Variants in MYOM3 observed in about 807,000 individuals in gnomAD.
MYOM3 encodes myomesin-3.
MYOM3 carries 155 observed loss-of-function variants against 191.7 expected under a neutral mutation model. The observed-to-expected ratio is 0.81, with a 90% confidence interval of 0.71 to 0.92. MYOM3 has a LOEUF of 0.92. Among genes scored for constraint, MYOM3 ranks in the 40% least tolerant of loss-of-function variants. The probability of loss-of-function intolerance (pLI) is 0.00; values close to 1 mark genes in which losing one functional copy is unlikely to be tolerated. For missense variants in MYOM3, 1,889 were observed against 1,890.6 expected (o/e 1.00, Z 0.02); for synonymous variants, 757 against 762.9 (o/e 0.99, Z 0.13).
At position 24,097,933 on chromosome 1, in the gene MYOM3, G is replaced by A. The variant is rs1643887087; in HGVS notation, c.735C>T (p.Val245=). ...AHGQASSFAK[V]LVRTYLGKDA... ...GTTGGGAGGACTTACTGCGGACGAG[G>A]ACTTTGGCGAAGGAGGAGGCCTGGC... The change falls in exon 7 of 37, where the codon GTC becomes GTT. Residue 245 remains valine (V), a synonymous_variant. Transcript: ENST00000374434. 4 of 1,612,790 alleles carry A rather than the reference G, an allele frequency of 2.5e-6. No homozygotes were observed. The highest frequency in any genetic ancestry group is 3.3e-4 in the Middle Eastern group (2 of 6,082).
chr1:24,075,291 C>G (rs768458054), intron 22 of MYOM3, 28 bp downstream of exon 22: 1 of 1,610,126 alleles, frequency 6.2e-7, no homozygotes, highest in African/African-American at 1.3e-5. Flanking sequence ...TCCCGTTGAG[C>G]AGTTGTTTCT....
chr1:24,094,745 G>T, intron 9 of MYOM3, 108 bp downstream of exon 9: 2 of 1,100,738 alleles, frequency 1.8e-6, no homozygotes, highest in Non-Finnish European at 2.6e-6. Context: ...TAGCACAGTT[G>T]GTACTGGTTG....
intron 20 of MYOM3, among the ~76,000 whole-genome samples, chr1:24,077,263 G>A (rs1413341286): frequency 6.6e-6 from 1 of 152,204 alleles, no homozygotes; most frequent in East Asian, 1.9e-4. Flanking sequence ...CCCCCAGTCT[G>A]TCTTTCCCTC....
intron 33 of MYOM3, 77 bp from the exon 34 acceptor site, chr1:24,061,386 G>T: frequency 1.4e-6 from 2 of 1,450,458 alleles, no homozygotes; most frequent in Non-Finnish European, 1.9e-6. Flanking sequence ...GACCCTGGGA[G>T]CAAAGCTTAT....
In MYOM3 at chr1:24,108,007, G is replaced by A. The variant is rs1261415538; in HGVS notation, c.228C>T (p.Ser76=). ...CTCTGACTCACCAAGACAGCTCGGAGGAGGCCGTCAGAGCCAGGGCTGCTG... is the reference window on the plus strand; with the variant it reads ...CTCTGACTCACCAAGACAGCTCGGAAGAGGCCGTCAGAGCCAGGGCTGCTG... ...ALAAALALTA[S]SELSWEAQLR... is the part of the protein sequence containing the mutation. Residue 76 remains serine (S), a synonymous_variant, in exon 3 of 37, where the codon TCC becomes TCT. Coordinates refer to ENST00000374434, the MANE Select transcript of MYOM3 (RefSeq NM_152372.4). 2 of 1,613,582 alleles carry A rather than the reference G, an allele frequency of 1.2e-6. No individual in the cohort carries two copies. Among genetic ancestry groups the A allele is most frequent in the Non-Finnish European group, 1.7e-6 (2 of 1,179,840 alleles).
rs199624212 is a variant in MYOM3 at position 24,082,107 on chromosome 1, C to T, written c.2174G>A (p.Arg725His). ...EMVIGWKPPK[R>H]RGGGKILGYF... is the part of the protein sequence containing the mutation. ...GCCCAGGATCTTGCCACCTCCACGA[C>T]GCTTGGGGGGTTTCCACCCAATGAC... The change falls in exon 18 of 37, where the codon CGT (arginine) becomes CAT (histidine). Residue 725 changes from arginine to histidine, a missense_variant. Coordinates refer to ENST00000374434, the MANE Select transcript of MYOM3 (RefSeq NM_152372.4). 136 of 1,613,726 alleles carry T rather than the reference C, an allele frequency of 8.4e-5. No individual in the cohort carries two copies. The African/African-American group carries it at 9.2e-4, about 11-fold the overall frequency.
chr1:24,097,104 G>C (rs897387464), intron 7 of MYOM3, among the ~76,000 whole-genome samples: 3 of 152,214 alleles, frequency 2.0e-5, no homozygotes, highest in Non-Finnish European at 4.4e-5. Flanking sequence ...CCCATGGGGT[G>C]ACCTCCAGGA....
In MYOM3 at chr1:24,071,970, T is replaced by C. The variant is rs777869686; in HGVS notation, c.3012A>G (p.Pro1004=). The change falls in exon 24 of 37, where the codon CCA becomes CCG. Residue 1004 remains proline (P), a splice_region_variant and synonymous_variant. Coordinates refer to ENST00000374434, the MANE Select transcript of MYOM3 (RefSeq NM_152372.4). The part of the protein sequence containing the change: ...LKKLSHEIRN[P]VIKLISGWNI... The stretch of plus-strand genomic sequence containing the variant: ...TGGTAGCTTGGACTGCTTGCTTACC[T>C]GGGTTTCTGATCTCATGACTCAGCT... The C allele has an allele frequency of 5.0e-6, 8 of 1,613,980 alleles. No homozygotes were observed. Among genetic ancestry groups the C allele is most frequent in the Non-Finnish European group, 6.8e-6 (8 of 1,179,970 alleles).
chr1:24,086,562 G>C (rs902200199), intron 15 of MYOM3, 82 bp downstream of exon 15: 2 of 1,387,614 alleles, frequency 1.4e-6, no homozygotes, highest in Non-Finnish European at 2.0e-6. Context: ...CAGGGAAGTG[G>C]GCAGGGCTTT....
intron 10 of MYOM3, 44 bp downstream of exon 10, chr1:24,092,903 T>C (rs373363301): frequency 6.9e-7 from 1 of 1,450,804 alleles, no homozygotes. Context: ...AGAGCCCTGG[T>C]CTCTGGGCTC....
intron 6 of MYOM3, among the ~76,000 whole-genome samples, chr1:24,098,981 A>G (rs540072334): frequency 8.2e-4 from 125 of 152,270 alleles, no homozygotes; most frequent in African/African-American, 2.9e-3. Flanking sequence ...TGCTTCCCTC[A>G]AGCATGGTGG....
chr1:24,095,613 G>T, intron 7 of MYOM3, 127 bp from the exon 8 acceptor site: 1 of 738,058 alleles, frequency 1.4e-6, no homozygotes, highest in Non-Finnish European at 2.2e-6. Context: ...TTGTGGCTTT[G>T]GGAAAGTTCT....
Position 24,068,274 on chromosome 1 carries a change from G to A in MYOM3, c.3244C>T (p.Leu1082Phe), listed in dbSNP as rs1643478622. The change falls in exon 26 of 37, where the codon CTC becomes TTC. Residue 1082 changes from leucine (L) to phenylalanine (F), a missense_variant. Coordinates refer to ENST00000374434, the MANE Select transcript of MYOM3 (RefSeq NM_152372.4). ...EEDKGSYTAQ[L>F]QDGKAKNQIT... is the part of the protein sequence containing the mutation. The stretch of plus-strand genomic sequence containing the variant: ...TGGTTTTTGGCTTTTCCATCTTGGA[G>A]TTGAGCGGTGTACGACCCTTTGTCC... 6.2e-7 allele frequency: 1 copy of A among 1,614,082 alleles called. No homozygotes were observed. The highest frequency in any genetic ancestry group is 1.3e-5 in the African/African-American group (1 of 74,924).
At chr1:24,064,248 G>C in intron 29 of MYOM3, 89 bp from the exon 30 acceptor site, 12 of 932,704 alleles carry the variant, frequency 1.3e-5, no homozygotes, top group Non-Finnish European at 1.8e-5. Flanking sequence ...CTCCAGGCCT[G>C]CCCCTCACTC....
intron 7 of MYOM3, 90 bp from the exon 8 acceptor site, chr1:24,095,576 GA>G: frequency 8.5e-7 from 1 of 1,172,744 alleles, no homozygotes; most frequent in Non-Finnish European, 1.2e-6. Context: ...ATATGAGTTT[GA>G]GTCCTGGTCT....
intron 17 of MYOM3, 167 bp from the exon 18 acceptor site, chr1:24,082,355 G>T: frequency 2.3e-6 from 2 of 862,672 alleles, no homozygotes; most frequent in Non-Finnish European, 3.5e-6. Context: ...CGGAGCCTCA[G>T]GTTTCTGGGT....
intron 7 of MYOM3, among the ~76,000 whole-genome samples, chr1:24,096,710 G>A (rs936503276): frequency 1.3e-5 from 2 of 152,074 alleles, no homozygotes; most frequent in African/African-American, 4.8e-5. Context: ...GTGTGTATGA[G>A]TGCGCGTGTG....
chr1:24,057,444 T>G lies in MYOM3; in HGVS notation c.4234A>C (p.Lys1412Gln), dbSNP rs372578345. The change falls in exon 37 of 37, where the codon AAG (lysine) becomes CAG (glutamine). Residue 1412 changes from lysine to glutamine, a missense_variant. By Grantham distance (53) the Lys-to-Gln change is moderately conservative (BLOSUM62 1). Coordinates refer to ENST00000374434, the MANE Select transcript of MYOM3 (RefSeq NM_152372.4). ...SGRYGVFVKNKYGSETGQVTI... is the reference protein window; with the variant it reads ...SGRYGVFVKNQYGSETGQVTI... ...ACCTGGCCCGTCTCGGAGCCATACTTGTTCTTGACGAAGACGCCGTAGCGG... is the reference window on the plus strand; with the variant it reads ...ACCTGGCCCGTCTCGGAGCCATACTGGTTCTTGACGAAGACGCCGTAGCGG... The G allele has an allele frequency of 3.1e-6, 5 of 1,614,232 alleles. No individual in the cohort carries two copies. The highest frequency in any genetic ancestry group is 4.2e-6 in the Non-Finnish European group (5 of 1,180,046).
At chr1:24,068,849 G>A (rs756916590) in intron 25 of MYOM3, among the ~76,000 whole-genome samples, 5 of 152,026 alleles carry the variant, frequency 3.3e-5, no homozygotes, top group Admixed American at 2.6e-4. Flanking sequence ...TCAGTCTCCT[G>A]AGTAGCTGGG....
Sources: gnomAD v4.1 joint callset for allele counts (sites outside exome capture counted in the v4.1 genomes callset) on GRCh38, gnomAD v4.1.1 for gene constraint, MANE v1.5 for transcripts, NCBI Gene and HGNC (gene_info 2026-07-23, HGNC 2026-07-21) for gene names.